The following TUT7 variants were observed in gnomAD, a reference collection of about 807,000 sequenced individuals.
TUT7 encodes the protein terminal uridylyltransferase 7.
Under a neutral mutation model 165.9 loss-of-function variants are expected in TUT7, and 33 were observed. The observed-to-expected ratio is 0.20, with a 90% CI of 0.15 to 0.27. The LOEUF (loss-of-function observed/expected upper bound fraction) is 0.27. Among genes scored for constraint, TUT7 ranks in the 10% least tolerant of loss-of-function variants. The pLI, the probability that TUT7 is intolerant of heterozygous loss-of-function variation, is 1.00. For missense variants in TUT7, 1,338 were observed against 1,762.3 expected, an observed-to-expected ratio of 0.76 and a Z score of 4.31; for synonymous variants, 552 against 608.1, an observed-to-expected ratio of 0.91 and a Z score of 1.36.
chr9:86,332,191 T>C (rs1830378251), intron 10 of TUT7, among the ~76,000 whole-genome samples: 1 of 152,270 alleles, frequency 6.6e-6, no homozygotes, highest in South Asian at 2.1e-4. Flanking sequence ...TTACTGAGTA[T>C]ATACCCAGAG....
chr9:86,320,848 A>G lies in TUT7; in HGVS notation c.3029-1178T>C, dbSNP rs114198315. Among the ~76,000 whole-genome samples the G allele has an allele frequency of 4.8e-3, 728 of 152,290 alleles. 10 individuals carry two copies. The highest frequency in any genetic ancestry group is 0.016 in the African/African-American group (662 of 41,550). On this transcript the variant is annotated intron_variant, in intron 14 of 26. Transcript: ENST00000375963. ...TTCAGAAAATATCTTTCTTCTGGAA[A>G]AAAATGTCGCTCCCTTACCCTCATC...
intron 2 of TUT7, among the ~76,000 whole-genome samples, chr9:86,348,798 C>T (rs1265906649): frequency 6.6e-6 from 1 of 152,000 alleles, no homozygotes. Context: ...ATTCAGCCTT[C>T]TAACTAACAA....
intron 11 of TUT7, among the ~76,000 whole-genome samples, chr9:86,327,650 T>C (rs1459818565): frequency 6.6e-6 from 1 of 152,230 alleles, no homozygotes; most frequent in Non-Finnish European, 1.5e-5. Context: ...CTCCTCCCAG[T>C]GTTCAAGGAT....
At chr9:86,304,308 C>T (rs1052986096) in intron 24 of TUT7, among the ~76,000 whole-genome samples, 4 of 151,968 alleles carry the variant, frequency 2.6e-5, no homozygotes, top group Non-Finnish European at 4.4e-5. Flanking sequence ...TCATCTAGTC[C>T]CTAGCCATTT....
In TUT7 at chr9:86,323,134, G is replaced by A; in HGVS notation, c.2616C>T (p.Gly872=). ...LTINQREDED[G]MANEDELDNT... The stretch of plus-strand genomic sequence containing the variant: ...TGTCTAACTCATCTTCATTAGCCAT[G>A]CCATCTTCATCTTCCCTTTGGTTAA... Residue 872 remains glycine, a synonymous_variant, in exon 13 of 27, where the codon GGC becomes GGT. Transcript: ENST00000375963. The A allele has an allele frequency of 6.2e-7, 1 of 1,614,110 alleles. No homozygotes were observed. Among genetic ancestry groups the A allele is most frequent in the Non-Finnish European group, 8.5e-7 (1 of 1,180,026 alleles).
chr9:86,330,127 G>A (rs1209373601), intron 10 of TUT7, among the ~76,000 whole-genome samples: 2 of 151,928 alleles, frequency 1.3e-5, no homozygotes, highest in Non-Finnish European at 2.9e-5. Context: ...GCATGATCTC[G>A]GCTCACTGCA....
rs59651352 is a variant in TUT7 at position 86,297,921 on chromosome 9, CTTT to C, written c.4420+3352_4420+3354del. Among the ~76,000 whole-genome samples, 3 of 86,496 alleles carry C rather than the reference CTTT, an allele frequency of 3.5e-5. 1 individual carries two copies. Among genetic ancestry groups the C allele is most frequent in the African/African-American group, 1.1e-4 (2 of 18,134 alleles). The allele number at this position is 86,496 out of a possible 152,430, so 56.7% of individuals were successfully genotyped here. A position where few individuals can be genotyped will look rare whatever the true frequency, so the allele number is the denominator to read the frequency against. On this transcript the variant is annotated intron_variant, in intron 26 of 26. Transcript: ENST00000375963. ...CTCACTCACCCTTCTGCCTGCTCCACTTTTTTTTTTTTTTCAAATTTCTTCTGT... is the reference window on the plus strand; with the variant it reads ...CTCACTCACCCTTCTGCCTGCTCCACTTTTTTTTTTTCAAATTTCTTCTGT...
In TUT7 at chr9:86,338,950, C is replaced by T. The variant is rs1209840522; in HGVS notation, c.1209-1G>A. 2 of 1,588,580 alleles carry T rather than the reference C, an allele frequency of 1.3e-6. No individual in the cohort carries two copies. The highest frequency in any genetic ancestry group is 1.7e-6 in the Non-Finnish European group (2 of 1,166,264). ...TGCGCTCACTTTACACAGAAGACCA[C>T]TGGTGAGAGGTGGGGGAGGAGGATG... is the stretch of plus-strand genomic sequence containing the variant. On this transcript the variant is annotated splice_acceptor_variant, in intron 8 of 26. Coordinates refer to ENST00000375963, the MANE Select transcript of TUT7 (RefSeq NM_024617.4). LOFTEE classifies it high-confidence loss of function.
chr9:86,293,454 A>G (rs956796027), intron 26 of TUT7, among the ~76,000 whole-genome samples: 2 of 152,182 alleles, frequency 1.3e-5, no homozygotes, highest in African/African-American at 4.8e-5. Context: ...GAATACTCCA[A>G]TACAAAAGTA....
rs151058562 is a variant in TUT7 at position 86,289,697 on chromosome 9, A to G, written c.4421-953T>C. Among the ~76,000 whole-genome samples the G allele has an allele frequency of 5.9e-3, 902 of 152,246 alleles. 20 individuals carry two copies. The highest frequency in any genetic ancestry group is 0.05 in the East Asian group (260 of 5,178). ...ACTAGGTAATGAAAAGGTAATATATAAAATAGAAAAAAAAATGGCATAAGT... is the reference window on the plus strand; with the variant it reads ...ACTAGGTAATGAAAAGGTAATATATGAAATAGAAAAAAAAATGGCATAAGT... On this transcript the variant is annotated intron_variant, in intron 26 of 26. Coordinates refer to ENST00000375963, the MANE Select transcript of TUT7 (RefSeq NM_024617.4).
At chr9:86,297,935 T>C (rs963249786) in intron 26 of TUT7, among the ~76,000 whole-genome samples, 1 of 145,172 alleles carries the variant, frequency 6.9e-6, no homozygotes, top group Non-Finnish European at 1.5e-5. Context: ...TTTTTTTTTT[T>C]CAAATTTCTT....
intron 14 of TUT7, among the ~76,000 whole-genome samples, chr9:86,322,085 A>C (rs1248111678): frequency 1.3e-5 from 2 of 152,088 alleles, no homozygotes; most frequent in African/African-American, 4.8e-5. Context: ...CAAAATTTAA[A>C]AAAAAATTTT....
intron 13 of TUT7, 91 bp downstream of exon 13, chr9:86,322,782 A>T (rs1829434486): frequency 2.8e-6 from 4 of 1,409,196 alleles, no homozygotes; most frequent in Non-Finnish European, 3.8e-6. Context: ...CTACCAAAAT[A>T]GGAAAATTCC....
At chr9:86,327,129 G>A (rs775847904) in intron 11 of TUT7, among the ~76,000 whole-genome samples, 44 of 152,070 alleles carry the variant, frequency 2.9e-4, no homozygotes, top group Non-Finnish European at 5.4e-4. Flanking sequence ...TACAGTTTGA[G>A]GACACAAATA....
intron 26 of TUT7, among the ~76,000 whole-genome samples, chr9:86,289,187 TATAAA>T (rs1206743601): frequency 9.9e-5 from 15 of 152,106 alleles, no homozygotes; most frequent in Admixed American, 1.3e-4. Context: ...AACTTATTGA[TATAAA>T]AGGAAAAAGG....
intron 11 of TUT7, among the ~76,000 whole-genome samples, chr9:86,326,791 A>G (rs905233171): frequency 6.6e-6 from 1 of 152,066 alleles, no homozygotes; most frequent in Non-Finnish European, 1.5e-5. Flanking sequence ...ATCTCAGTAC[A>G]GTGCACACCA....
chr9:86,341,867 A>G (rs1831357094), intron 6 of TUT7, among the ~76,000 whole-genome samples: 1 of 152,098 alleles, frequency 6.6e-6, no homozygotes, highest in South Asian at 2.1e-4. Context: ...CTTTACCTGC[A>G]CAGCTCTCAC....
chr9:86,287,941 C>T lies in TUT7; in HGVS notation c.*736G>A, dbSNP rs1282207311. On this transcript the variant is annotated 3_prime_UTR_variant, in exon 27 of 27. Coordinates refer to ENST00000375963, the MANE Select transcript of TUT7 (RefSeq NM_024617.4). ...TTTTAAAAGTTCTTCATCCTAATTTCTGAGTATCATAAAAAGTAAAAAGTA... is the reference window on the plus strand; with the variant it reads ...TTTTAAAAGTTCTTCATCCTAATTTTTGAGTATCATAAAAAGTAAAAAGTA... The T allele has an allele frequency of 6.6e-6, 1 of 152,166 alleles. No individual in the cohort carries two copies. The highest frequency in any genetic ancestry group is 1.5e-5 in the Non-Finnish European group (1 of 68,022). The allele number at this position is 152,166 out of a possible 1,614,324, so 9.4% of individuals were successfully genotyped here.
At chr9:86,318,904 G>A (rs1416874399) in intron 16 of TUT7, 54 bp downstream of exon 16, 2 of 1,403,554 alleles carry the variant, frequency 1.4e-6, no homozygotes, top group Admixed American at 3.5e-5. Flanking sequence ...TGCCAGTCTA[G>A]ATTGGTTAAA....
Sources: allele counts gnomAD v4.1 joint callset (sites outside exome capture counted in the v4.1 genomes callset), GRCh38; gene constraint gnomAD v4.1.1; transcripts MANE v1.5; gene names NCBI Gene and HGNC (gene_info 2026-07-23, HGNC 2026-07-21).